Variants in CCDC7 observed in about 807,000 individuals in gnomAD.
CCDC7 encodes coiled-coil domain containing 7.
In CCDC7, 183 loss-of-function variants were observed where a neutral mutation model predicts 196.9. That is an observed-to-expected ratio of 0.93 (90% CI 0.82 to 1.05). The LOEUF is 1.05. Ranked by LOEUF, CCDC7 falls within the 50% of genes least tolerant of loss-of-function variation. The pLI, the probability that CCDC7 is intolerant of heterozygous loss-of-function variation, is 0.00. For synonymous variants in CCDC7, 525 were observed against 484.6 expected, an observed-to-expected ratio of 1.08 and a Z score of -1.10; for missense variants, 1,540 against 1,482.2, an observed-to-expected ratio of 1.04 and a Z score of -0.64.
intron 18 of CCDC7, among the ~76,000 whole-genome samples, chr10:32,624,603 G>A (rs945524816): frequency 6.6e-6 from 1 of 152,114 alleles, no homozygotes; most frequent in Non-Finnish European, 1.5e-5. Context: ...CAGTGGACAA[G>A]TTTCTTATCC....
chr10:32,782,728 C>A (rs1008232277), intron 29 of CCDC7, among the ~76,000 whole-genome samples: 1 of 152,182 alleles, frequency 6.6e-6, no homozygotes, highest in Non-Finnish European at 1.5e-5. Flanking sequence ...TTGGAAGTCT[C>A]ACACTTCCTG....
intron 21 of CCDC7, chr10:32,675,768 A>G (rs941441961): frequency 1.3e-5 from 2 of 152,282 alleles, no homozygotes; most frequent in South Asian, 2.1e-4. Flanking sequence ...TTCCATGCTC[A>G]TGGGAAGGAA....
chr10:32,831,830 GT>G lies in CCDC7; in HGVS notation c.3269-2979del, dbSNP rs564362279. Among the ~76,000 whole-genome samples the G allele has an allele frequency of 2.0e-5, 3 of 152,184 alleles. No individual in the cohort carries two copies. The South Asian group carries it at 6.2e-4, about 32-fold the overall frequency. ...TGTCTGAGGCTGTTCTACAGTTAAT[GT>G]TTTTTGTAAGTAGAAGTATGCATAC... On this transcript the variant is annotated intron_variant, in intron 32 of 41. Transcript: ENST00000639629.
chr10:32,536,690 A>G (rs1432047251), intron 11 of CCDC7, among the ~76,000 whole-genome samples: 2 of 152,014 alleles, frequency 1.3e-5, no homozygotes, highest in African/African-American at 4.8e-5. Context: ...GTAGGCCCCA[A>G]TGTCTGATGT....
At chr10:32,685,499 C>T (rs1294200760) in intron 21 of CCDC7, among the ~76,000 whole-genome samples, 1 of 152,090 alleles carries the variant, frequency 6.6e-6, no homozygotes, top group African/African-American at 2.4e-5. Flanking sequence ...ACTGGCTCAA[C>T]CAGAAGCAGA....
At chr10:32,774,893 C>G (rs993661994) in intron 28 of CCDC7, among the ~76,000 whole-genome samples, 3 of 152,170 alleles carry the variant, frequency 2.0e-5, no homozygotes, top group African/African-American at 7.2e-5. Flanking sequence ...TGGATAGATT[C>G]TGTCCAGGTT....
At chr10:32,818,800 G>A (rs571863769) in intron 31 of CCDC7, among the ~76,000 whole-genome samples, 1 of 152,238 alleles carries the variant, frequency 6.6e-6, no homozygotes, top group African/African-American at 2.4e-5. Flanking sequence ...GAATCTCTGG[G>A]ACACATTCAA....
intron 24 of CCDC7, among the ~76,000 whole-genome samples, chr10:32,711,128 A>G (rs1763787): frequency 0.46 from 66,457 of 146,010 alleles, 17,243 homozygotes; most frequent in Non-Finnish European, 0.6. Flanking sequence ...GTGTGTGTGT[A>G]TATATATATA....
At chr10:32,822,977 T>A (rs780807743) in intron 31 of CCDC7, among the ~76,000 whole-genome samples, 3 of 152,212 alleles carry the variant, frequency 2.0e-5, no homozygotes, top group Non-Finnish European at 4.4e-5. Flanking sequence ...CTAAAAATCC[T>A]CTGATTTCTT....
chr10:32,495,053 T>C (rs1053677866), intron 9 of CCDC7, among the ~76,000 whole-genome samples: 4 of 152,176 alleles, frequency 2.6e-5, no homozygotes, highest in African/African-American at 4.8e-5. Context: ...ATCTCCAGCA[T>C]CTGTTGTTTC....
chr10:32,706,697 C>T (rs1038332443), intron 24 of CCDC7, among the ~76,000 whole-genome samples: 4 of 152,134 alleles, frequency 2.6e-5, no homozygotes, highest in African/African-American at 9.7e-5. Context: ...AACACCTCTA[C>T]ACAACTAAAC....
intron 33 of CCDC7, among the ~76,000 whole-genome samples, chr10:32,841,748 T>C (rs990060921): frequency 6.6e-6 from 1 of 151,940 alleles, no homozygotes; most frequent in Non-Finnish European, 1.5e-5. Context: ...GGTACTGGTA[T>C]AAAAATACAC....
intron 5 of CCDC7, among the ~76,000 whole-genome samples, chr10:32,463,432 T>G (rs549074326): frequency 6.6e-6 from 1 of 152,320 alleles, no homozygotes; most frequent in South Asian, 2.1e-4. Context: ...CATAAAATTA[T>G]GTATTGATTT....
chr10:32,673,655 G>GTGTGTA (rs1491158556), intron 21 of CCDC7, among the ~76,000 whole-genome samples: 1 of 63,392 alleles, frequency 1.6e-5, no homozygotes, highest in African/African-American at 1.2e-4. Context: ...CATTGTGCAC[G>GTGTGTA]TGTGTGTGTG....
chr10:32,503,559 A>G (rs967931388), intron 9 of CCDC7, among the ~76,000 whole-genome samples: 2 of 152,144 alleles, frequency 1.3e-5, no homozygotes, highest in African/African-American at 4.8e-5. Context: ...AGATTTTTAC[A>G]TCTATATTCA....
At chr10:32,739,511 T>G (rs1340446476) in intron 28 of CCDC7, among the ~76,000 whole-genome samples, 2 of 152,114 alleles carry the variant, frequency 1.3e-5, no homozygotes, top group African/African-American at 4.8e-5. Context: ...ACATTATCTA[T>G]TTCTTATTAC....
intron 11 of CCDC7, among the ~76,000 whole-genome samples, chr10:32,532,645 A>G (rs1229577402): frequency 6.6e-6 from 1 of 152,244 alleles, no homozygotes; most frequent in South Asian, 2.1e-4. Context: ...TGCTTTATAT[A>G]TCTGGGAGTT....
intron 28 of CCDC7, among the ~76,000 whole-genome samples, chr10:32,777,149 G>A (rs1273181590): frequency 6.6e-6 from 1 of 152,158 alleles, no homozygotes; most frequent in Non-Finnish European, 1.5e-5. Flanking sequence ...TTCTGTTTCT[G>A]CATTAGCTCC....
chr10:32,728,895 G>C (rs777272358), exon 27 of CCDC7: 1 of 1,588,958 alleles, frequency 6.3e-7, no homozygotes, highest in African/African-American at 1.3e-5. Flanking sequence ...AGCTCGTATT[G>C]TAGTACCAAA....
Sources: gnomAD v4.1 joint callset for allele counts (sites outside exome capture counted in the v4.1 genomes callset) on GRCh38, gnomAD v4.1.1 for gene constraint, MANE v1.5 for transcripts, NCBI Gene and HGNC (gene_info 2026-07-23, HGNC 2026-07-21) for gene names.